The following PACRG variants were observed in gnomAD, a reference collection of about 807,000 sequenced individuals.
PACRG encodes parkin coregulated, also known as parkin coregulated gene protein.
Under a neutral mutation model 29.7 loss-of-function variants are expected in PACRG, and 29 were observed. The ratio of observed to expected loss-of-function variants is 0.98; its 90% CI spans 0.73 to 1.33. PACRG has a LOEUF of 1.33. Among genes scored for constraint, PACRG ranks in the 40% most tolerant of loss-of-function variants. The probability of loss-of-function intolerance (pLI) is 0.00; values close to 1 mark genes in which losing one functional copy is unlikely to be tolerated. For missense variants in PACRG, 279 were observed against 316.2 expected, an observed-to-expected ratio of 0.88 and a Z score of 0.89; for synonymous variants, 116 against 118.7, an observed-to-expected ratio of 0.98 and a Z score of 0.15.
chr6:163,011,470 G>A lies in PACRG; in HGVS notation c.292-50680G>A, dbSNP rs1312236676. On this transcript the variant is annotated intron_variant, in intron 2 of 4. Coordinates refer to ENST00000366888, the MANE Select transcript of PACRG (RefSeq NM_001080379.2). ...AGATAAAAAATGGTACACCTATATA[G>A]GGCATTTGCCATAAGGCTTACAGGA... Among the ~76,000 whole-genome samples the A allele has an allele frequency of 5.3e-5, 8 of 152,302 alleles. No individual in the cohort carries two copies. In the East Asian group the frequency reaches 1.5e-3, roughly 29 times the overall value.
chr6:163,313,827 C>T (rs1431001398), intron 4 of PACRG: 2 of 152,100 alleles, frequency 1.3e-5, no homozygotes, highest in Non-Finnish European at 2.9e-5. Flanking sequence ...GAATAAATGT[C>T]GTTGAAGCCC....
chr6:162,814,988 A>G (rs944717785), intron 2 of PACRG, among the ~76,000 whole-genome samples: 1 of 152,244 alleles, frequency 6.6e-6, no homozygotes, highest in Non-Finnish European at 1.5e-5. Flanking sequence ...TCTTAACCGG[A>G]GAAGGCTTTT....
chr6:163,127,752 C>T (rs1816574994), intron 4 of PACRG, among the ~76,000 whole-genome samples: 3 of 152,184 alleles, frequency 2.0e-5, no homozygotes, highest in African/African-American at 7.2e-5. Context: ...TCATTTGAGT[C>T]TCACCATGTC....
At chr6:162,963,432 C>A in intron 2 of PACRG, among the ~76,000 whole-genome samples, 1 of 151,872 alleles carries the variant, frequency 6.6e-6, no homozygotes, top group East Asian at 1.9e-4. Flanking sequence ...AGTTCAAAAT[C>A]ATGTGTATAT....
chr6:162,990,073 A>C (rs1168859374), intron 2 of PACRG, among the ~76,000 whole-genome samples: 3 of 150,828 alleles, frequency 2.0e-5, no homozygotes, highest in East Asian at 3.9e-4. Context: ...TGAACTCATC[A>C]TTTTTTATGG....
At chr6:163,021,268 G>T (rs1041061957) in intron 2 of PACRG, among the ~76,000 whole-genome samples, 2 of 152,134 alleles carry the variant, frequency 1.3e-5, no homozygotes, top group Admixed American at 6.5e-5. Flanking sequence ...CCCTCCTAGA[G>T]CTGCCCTCTC....
intron 1 of PACRG, among the ~76,000 whole-genome samples, chr6:162,759,189 CT>C (rs1326303920): frequency 6.6e-6 from 1 of 152,102 alleles, no homozygotes; most frequent in Non-Finnish European, 1.5e-5. Context: ...GTTTATTAAC[CT>C]TTAAAAGCAG....
Position 163,276,175 on chromosome 6 carries a change from C to T in PACRG, c.614-38652C>T, listed in dbSNP as rs371279741. Among the ~76,000 whole-genome samples, 21 of 152,036 alleles carry T rather than the reference C, an allele frequency of 1.4e-4. No homozygotes were observed. In the South Asian group the frequency reaches 2.1e-3, roughly 15 times the overall value. ...CCACATAGCTGGGACTACAGGCGAG[C>T]GCTACCATGCCTGGCTAATTTTTGT... is the stretch of plus-strand genomic sequence containing the variant. On this transcript the variant is annotated intron_variant, in intron 4 of 4. Coordinates refer to ENST00000366888, the MANE Select transcript of PACRG (RefSeq NM_001080379.2).
At chr6:163,224,707 T>C (rs1781719452) in intron 4 of PACRG, among the ~76,000 whole-genome samples, 1 of 152,138 alleles carries the variant, frequency 6.6e-6, no homozygotes, top group South Asian at 2.1e-4. Context: ...GATTTAAATA[T>C]AAGAGTTGGA....
intron 4 of PACRG, among the ~76,000 whole-genome samples, chr6:163,218,300 G>A (rs560579139): frequency 1.3e-5 from 2 of 152,142 alleles, no homozygotes; most frequent in Non-Finnish European, 2.9e-5. Context: ...AATTCTGGCT[G>A]TACTGAATTC....
chr6:162,833,931 T>C (rs151240421), intron 2 of PACRG, among the ~76,000 whole-genome samples: 46 of 152,248 alleles, frequency 3.0e-4, no homozygotes, highest in Non-Finnish European at 2.4e-4. Flanking sequence ...AAGTGGTAAG[T>C]GCATTAACGT....
chr6:163,282,529 G>A (rs1156716683), intron 4 of PACRG, among the ~76,000 whole-genome samples: 1 of 152,032 alleles, frequency 6.6e-6, no homozygotes, highest in African/African-American at 2.4e-5. Context: ...TGACCAACAT[G>A]GTGAAACCCC....
At chr6:162,736,135 C>G (rs180933281) in intron 1 of PACRG, among the ~76,000 whole-genome samples, 53 of 152,350 alleles carry the variant, frequency 3.5e-4, no homozygotes, top group African/African-American at 1.2e-3. Flanking sequence ...CTACACTGAA[C>G]TCTCTGAGAA....
At chr6:163,241,030 A>G (rs180874262) in intron 4 of PACRG, among the ~76,000 whole-genome samples, 1 of 152,350 alleles carries the variant, frequency 6.6e-6, no homozygotes, top group African/African-American at 2.4e-5. Context: ...ACTCAAGTCT[A>G]TGTGACATAT....
intron 4 of PACRG, among the ~76,000 whole-genome samples, chr6:163,113,483 T>A (rs920749347): frequency 1.3e-5 from 2 of 152,096 alleles, no homozygotes; most frequent in Non-Finnish European, 2.9e-5. Context: ...ACAAGCAATC[T>A]TGAAAGCAGT....
At chr6:163,093,864 G>A (rs1198767245) in intron 4 of PACRG, among the ~76,000 whole-genome samples, 1 of 152,122 alleles carries the variant, frequency 6.6e-6, no homozygotes, top group African/African-American at 2.4e-5. Context: ...TTCAGATGCA[G>A]GCACATTAAA....
chr6:163,106,104 A>C (rs530192633), intron 4 of PACRG, among the ~76,000 whole-genome samples: 9 of 152,172 alleles, frequency 5.9e-5, no homozygotes, highest in African/African-American at 1.9e-4. Context: ...AGGAGGAAGA[A>C]AGTATCCTTC....
chr6:162,769,277 G>A (rs547182222), intron 1 of PACRG, among the ~76,000 whole-genome samples: 18 of 149,994 alleles, frequency 1.2e-4, no homozygotes, highest in African/African-American at 4.1e-4. Flanking sequence ...TCCATGAAAA[G>A]AATAAGCCTT....
intron 2 of PACRG, among the ~76,000 whole-genome samples, chr6:162,903,123 T>C (rs993137158): frequency 2.0e-4 from 30 of 152,118 alleles, no homozygotes; most frequent in African/African-American, 5.3e-4. Context: ...CCTGATAAAA[T>C]TGGAATCAGA....
Sources: allele counts gnomAD v4.1 joint callset (sites outside exome capture counted in the v4.1 genomes callset), GRCh38; gene constraint gnomAD v4.1.1; transcripts MANE v1.5; gene names NCBI Gene and HGNC (gene_info 2026-07-23, HGNC 2026-07-21).